MNAT1: variants seen among roughly 807,000 people sequenced by gnomAD.
MNAT1 encodes the protein MNAT1 component of CDK activating kinase.
In MNAT1, 43 loss-of-function variants were observed where a neutral mutation model predicts 42.0. The observed-to-expected ratio is 1.02, with a 90% CI of 0.80 to 1.32. The LOEUF (loss-of-function observed/expected upper bound fraction) is 1.32. MNAT1 is among the 40% of genes most tolerant of loss of function. The probability of loss-of-function intolerance (pLI) is 0.00; values close to 1 mark genes in which losing one functional copy is unlikely to be tolerated. For synonymous variants in MNAT1, 118 were observed against 120.0 expected, an observed-to-expected ratio of 0.98 and a Z score of 0.11; for missense variants, 306 against 350.4, an observed-to-expected ratio of 0.87 and a Z score of 1.01.
intron 6 of MNAT1, among the ~76,000 whole-genome samples, chr14:60,836,651 C>G (rs2033397083): frequency 2.0e-5 from 3 of 152,190 alleles, no homozygotes; most frequent in Admixed American, 2.0e-4. Flanking sequence ...CCAGACAGAG[C>G]TCTCCTGTAT....
At chr14:60,957,776 G>A (rs1258083752) in intron 7 of MNAT1, among the ~76,000 whole-genome samples, 2 of 151,838 alleles carry the variant, frequency 1.3e-5, no homozygotes, top group Non-Finnish European at 2.9e-5. Flanking sequence ...CACACTACCA[G>A]TACAGTGTTA....
chr14:60,942,003 CAAAAAAAAA>C (rs3080602), intron 7 of MNAT1, among the ~76,000 whole-genome samples: 49 of 29,940 alleles, frequency 1.6e-3, no homozygotes, highest in African/African-American at 8.4e-3. Flanking sequence ...GGCTCCATCT[CAAAAAAAAA>C]AAAAAAAAAA....
intron 1 of MNAT1, among the ~76,000 whole-genome samples, chr14:60,736,636 G>T (rs542023968): frequency 6.6e-6 from 1 of 152,164 alleles, no homozygotes; most frequent in Admixed American, 6.5e-5. Context: ...AAGCTGTAGC[G>T]TATTGGCTGA....
At chr14:60,761,803 G>A (rs752238739) in intron 1 of MNAT1, among the ~76,000 whole-genome samples, 1 of 152,160 alleles carries the variant, frequency 6.6e-6, no homozygotes, top group Non-Finnish European at 1.5e-5. Flanking sequence ...CTTATCAAGT[G>A]TAACACTAAT....
At chr14:60,774,803 G>T (rs188593721) in intron 1 of MNAT1, among the ~76,000 whole-genome samples, 4 of 152,300 alleles carry the variant, frequency 2.6e-5, no homozygotes, top group African/African-American at 7.2e-5. Context: ...TAGCAACTAT[G>T]TGGATTGTGT....
chr14:60,890,328 A>G (rs929670769), intron 7 of MNAT1, among the ~76,000 whole-genome samples: 4 of 152,266 alleles, frequency 2.6e-5, no homozygotes, highest in Non-Finnish European at 4.4e-5. Flanking sequence ...TCTTCTTGGT[A>G]TGTTGTTGAT....
chr14:60,826,307 ATTTTTTT>A (rs60838198), intron 6 of MNAT1, among the ~76,000 whole-genome samples: 4 of 119,772 alleles, frequency 3.3e-5, no homozygotes, highest in South Asian at 2.7e-4. Context: ...AATAGGAGAA[ATTTTTTT>A]TTTTTTTTTT....
intron 1 of MNAT1, among the ~76,000 whole-genome samples, chr14:60,776,504 A>C (rs751734089): frequency 4.6e-5 from 7 of 152,094 alleles, no homozygotes; most frequent in Non-Finnish European, 1.0e-4. Flanking sequence ...AGTTGCCAAA[A>C]ATGATGATAG....
chr14:60,748,775 A>G (rs1410956478), intron 1 of MNAT1, among the ~76,000 whole-genome samples: 2 of 152,132 alleles, frequency 1.3e-5, no homozygotes, highest in Non-Finnish European at 2.9e-5. Context: ...CTGTTTCACA[A>G]TGAACTTTTT....
At chr14:60,912,165 G>A (rs200505180) in intron 7 of MNAT1, among the ~76,000 whole-genome samples, 38 of 151,486 alleles carry the variant, frequency 2.5e-4, no homozygotes, top group East Asian at 1.9e-4. Context: ...TTTGTTTTCC[G>A]TTTGCTTGGT....
intron 7 of MNAT1, among the ~76,000 whole-genome samples, chr14:60,911,265 C>CA (rs1166650006): frequency 6.6e-6 from 1 of 152,026 alleles, no homozygotes; most frequent in Non-Finnish European, 1.5e-5. Context: ...TTGATCTTTT[C>CA]AAAAAACCAG....
chr14:60,890,214 A>G (rs945785694), intron 7 of MNAT1, among the ~76,000 whole-genome samples: 14 of 152,214 alleles, frequency 9.2e-5, no homozygotes, highest in African/African-American at 2.9e-4. Flanking sequence ...ATGTCCAACA[A>G]TGATAGAGCG....
intron 6 of MNAT1, among the ~76,000 whole-genome samples, chr14:60,874,831 C>T (rs2034403754): frequency 6.6e-6 from 1 of 152,100 alleles, no homozygotes; most frequent in Non-Finnish European, 1.5e-5. Flanking sequence ...TCCTCCCAGT[C>T]ACTTAAAACC....
chr14:60,786,860 G>T (rs1257232575), intron 1 of MNAT1, among the ~76,000 whole-genome samples: 1 of 152,160 alleles, frequency 6.6e-6, no homozygotes, highest in Non-Finnish European at 1.5e-5. Context: ...AGCCTTTTCA[G>T]GTAATTGCTG....
intron 1 of MNAT1, among the ~76,000 whole-genome samples, chr14:60,754,345 T>C: frequency 6.7e-6 from 1 of 149,084 alleles, no homozygotes; most frequent in East Asian, 1.9e-4. Context: ...TTTCTTCTTT[T>C]TTTTTTTTTT....
chr14:60,906,783 G>A (rs927139376), intron 7 of MNAT1, among the ~76,000 whole-genome samples: 8 of 152,026 alleles, frequency 5.3e-5, no homozygotes, highest in Non-Finnish European at 8.8e-5. Flanking sequence ...TCAAATACTC[G>A]TTTCTGAAAA....
In MNAT1 at chr14:60,840,961, G is replaced by A. The variant is rs1379079442; in HGVS notation, c.687+22114G>A. Among the ~76,000 whole-genome samples, 7 of 152,152 alleles carry A rather than the reference G, an allele frequency of 4.6e-5. No individual in the cohort carries two copies. In the East Asian group the frequency reaches 1.3e-3, roughly 29 times the overall value. ...ATTACAGGCATGAGCCACCGCACTT[G>A]GCCCAGATTTTTAAAAATTGCTCAG... On this transcript the variant is annotated intron_variant, in intron 6 of 7. Transcript: ENST00000261245.
intron 6 of MNAT1, among the ~76,000 whole-genome samples, chr14:60,874,948 G>A (rs2034405821): frequency 1.3e-5 from 2 of 151,996 alleles, no homozygotes; most frequent in South Asian, 4.1e-4. Context: ...TCTAAGTTCT[G>A]CCCCAGCTTT....
intron 7 of MNAT1, among the ~76,000 whole-genome samples, chr14:60,944,003 A>G (rs1224754779): frequency 2.6e-5 from 4 of 152,340 alleles, no homozygotes; most frequent in South Asian, 4.1e-4. Flanking sequence ...CTAGAACTGC[A>G]ATGTCATTCC....
Sources: gnomAD v4.1 joint callset for allele counts (sites outside exome capture counted in the v4.1 genomes callset) on GRCh38, gnomAD v4.1.1 for gene constraint, MANE v1.5 for transcripts, NCBI Gene and HGNC (gene_info 2026-07-23, HGNC 2026-07-21) for gene names.